ABCE1: variants seen among roughly 807,000 people sequenced by gnomAD.
The protein encoded by ABCE1 is ATP binding cassette subfamily E member 1, also known as ATP-binding cassette sub-family E member 1.
A neutral mutation model predicts 83.4 loss-of-function variants in ABCE1; 22 were observed. That is an observed-to-expected ratio of 0.26 (90% CI 0.19 to 0.38). The LOEUF is 0.38. Among genes scored for constraint, ABCE1 ranks in the 10% least tolerant of loss-of-function variants. The pLI, the probability that ABCE1 is intolerant of heterozygous loss-of-function variation, is 1.00. For synonymous variants in ABCE1, 204 were observed against 233.7 expected, an observed-to-expected ratio of 0.87 and a Z score of 1.16; for missense variants, 330 against 721.9, an observed-to-expected ratio of 0.46 and a Z score of 6.22.
intron 1 of ABCE1, among the ~76,000 whole-genome samples, chr4:145,103,078 A>G (rs972471043): frequency 1.3e-5 from 2 of 152,168 alleles, no homozygotes; most frequent in African/African-American, 4.8e-5. Flanking sequence ...GGTGGTCACT[A>G]CTAACTAAAG....
At chr4:145,115,018 TAAG>T (rs1201955784) in intron 9 of ABCE1, among the ~76,000 whole-genome samples, 1 of 151,964 alleles carries the variant, frequency 6.6e-6, no homozygotes, top group Non-Finnish European at 1.5e-5. Flanking sequence ...AATAGAGATT[TAAG>T]AAGTTTTATA....
Position 145,117,427 on chromosome 4 carries a change from A to C in ABCE1, c.922+13A>C, listed in dbSNP as rs764322260. Reference sequence around the variant, plus strand: ...AGTGTAAGAGAAGGTAACTTGAAAAACTTTTTTCACATATGCTGTATTCTC... The same window carrying C: ...AGTGTAAGAGAAGGTAACTTGAAAACCTTTTTTCACATATGCTGTATTCTC... On this transcript the variant is annotated intron_variant, in intron 10 of 17. Transcript: ENST00000296577. 3 of 1,607,760 alleles carry C rather than the reference A, an allele frequency of 1.9e-6. No individual in the cohort carries two copies. The African/African-American group carries it at 4.0e-5, about 22-fold the overall frequency.
Position 145,127,579 on chromosome 4 carries a change from C to T in ABCE1, c.*6C>T. ...ACTTTTTCTTGGATGATTAGACTGA[C>T]TCTGAGAATATTGATAAGCCATTTA... On this transcript the variant is annotated 3_prime_UTR_variant, in exon 18 of 18. Transcript: ENST00000296577. 2.6e-6 allele frequency: 4 copies of T among 1,550,316 alleles called. No individual in the cohort carries two copies. In the South Asian group the frequency reaches 3.8e-5, roughly 15 times the overall value.
chr4:145,119,690 T>C (rs1279321335), intron 10 of ABCE1, among the ~76,000 whole-genome samples: 1 of 151,960 alleles, frequency 6.6e-6, no homozygotes, highest in Non-Finnish European at 1.5e-5. Context: ...ATGGAAAAAG[T>C]AATTACAGGA....
At chr4:145,110,753 C>T (rs908341109) in intron 7 of ABCE1, 5 of 541,556 alleles carry the variant, frequency 9.2e-6, no homozygotes, top group African/African-American at 1.9e-5. Context: ...TGAGCCACTG[C>T]GCCCGGCCAT....
chr4:145,104,274 C>G, intron 1 of ABCE1, 112 bp from the exon 2 acceptor site: 1 of 406,432 alleles, frequency 2.5e-6, no homozygotes, highest in Admixed American at 4.5e-5. Flanking sequence ...TTTTTTTTTG[C>G]AGATAATCAT....
intron 10 of ABCE1, among the ~76,000 whole-genome samples, chr4:145,119,166 T>A (rs1749678223): frequency 1.3e-5 from 2 of 151,882 alleles, no homozygotes; most frequent in Non-Finnish European, 3.0e-5. Context: ...GCATGATGTG[T>A]CTCTCAGTTC....
rs1749946348 is a variant in ABCE1 at position 145,128,240 on chromosome 4, G to A, written c.*667G>A. The A allele has an allele frequency of 6.6e-6, 1 of 152,484 alleles. No homozygotes were observed. Among genetic ancestry groups the A allele is most frequent in the Non-Finnish European group, 1.5e-5 (1 of 68,002 alleles). 9.4% of individuals were successfully genotyped at this position (152,484 alleles called of 1,614,324 possible). A position where few individuals can be genotyped will look rare whatever the true frequency, so the allele number is the denominator to read the frequency against. On this transcript the variant is annotated 3_prime_UTR_variant, in exon 18 of 18. Coordinates refer to ENST00000296577, the MANE Select transcript of ABCE1 (RefSeq NM_002940.3). ...CGCAAAAAACCCCTAACTTTACTCT[G>A]AACTTTTTTTGTTTTTGCATTCCAT... is the stretch of plus-strand genomic sequence containing the variant.
chr4:145,108,265 A>G (rs1430843822), intron 4 of ABCE1, among the ~76,000 whole-genome samples, 153 bp downstream of exon 4: 2 of 152,202 alleles, frequency 1.3e-5, no homozygotes, highest in Non-Finnish European at 2.9e-5. Flanking sequence ...CATACTGCAT[A>G]TGTCTGTGGT....
chr4:145,127,670 T>C lies in ABCE1; in HGVS notation c.*97T>C, dbSNP rs996931658. On this transcript the variant is annotated 3_prime_UTR_variant, in exon 18 of 18. Transcript: ENST00000296577. Reference sequence around the variant, plus strand: ...TTGAATCAGGATTTTATGCCCCACATACTCTGGAACTTGAAGTATAATATA... The same window carrying C: ...TTGAATCAGGATTTTATGCCCCACACACTCTGGAACTTGAAGTATAATATA... The C allele has an allele frequency of 1.7e-4, 151 of 907,894 alleles. No individual in the cohort carries two copies. Among genetic ancestry groups the C allele is most frequent in the Non-Finnish European group, 2.1e-4 (130 of 615,010 alleles). The allele number at this position is 907,894 out of a possible 1,614,324, so 56.2% of individuals were successfully genotyped here. A position where few individuals can be genotyped will look rare whatever the true frequency, so the allele number is the denominator to read the frequency against.
rs1482707808 is a variant in ABCE1 at position 145,098,367 on chromosome 4, A to G, written c.-80A>G. The G allele has an allele frequency of 6.6e-6, 1 of 152,460 alleles. No individual in the cohort carries two copies. The highest frequency in any genetic ancestry group is 6.5e-5 in the Admixed American group (1 of 15,294). The allele number at this position is 152,460 out of a possible 1,614,324, so 9.4% of individuals were successfully genotyped here. A position where few individuals can be genotyped will look rare whatever the true frequency, so the allele number is the denominator to read the frequency against. On this transcript the variant is annotated 5_prime_UTR_variant, in exon 1 of 18. Transcript: ENST00000296577. ...CGCTGTGTGGCTGAAAAGTGAAGGC[A>G]AGAGCTGATTTGGCCTCTGTGCTCC...
At chr4:145,104,827 A>G (rs977935696) in intron 2 of ABCE1, among the ~76,000 whole-genome samples, 1 of 151,356 alleles carries the variant, frequency 6.6e-6, no homozygotes, top group African/African-American at 2.4e-5. Flanking sequence ...TTAATATTAT[A>G]TATATAGTAA....
Position 145,109,125 on chromosome 4 carries a change from G to A in ABCE1, c.288-7G>A. ...GTTGTTTTATTATTTTTGTATACTT[G>A]TAACAGGTTGCCTATCCCTCGTCCA... On this transcript the variant is annotated splice_polypyrimidine_tract_variant and splice_region_variant and intron_variant, in intron 4 of 17. Transcript: ENST00000296577. 14 of 1,585,492 alleles carry A rather than the reference G, an allele frequency of 8.8e-6. No homozygotes were observed. The highest frequency in any genetic ancestry group is 1.2e-5 in the Non-Finnish European group (14 of 1,156,046).
At chr4:145,102,808 G>A (rs148903749) in intron 1 of ABCE1, among the ~76,000 whole-genome samples, 5 of 152,300 alleles carry the variant, frequency 3.3e-5, no homozygotes, top group East Asian at 1.9e-4. Flanking sequence ...GATAAGAATG[G>A]TGGTTGGAGA....
At chr4:145,099,067 C>T (rs893374904) in intron 1 of ABCE1, among the ~76,000 whole-genome samples, 1 of 152,218 alleles carries the variant, frequency 6.6e-6, no homozygotes, top group African/African-American at 2.4e-5. Context: ...TAGCACTAGG[C>T]ACTTTCTCCC....
chr4:145,104,472 A>G lies in ABCE1; in HGVS notation c.60A>G (p.Lys20=). ...IVNHDKCKPK[K]CRQECKKSCP... ...ACCATGACAAATGTAAACCTAAGAA[A>G]TGTCGACAGGAATGCAAAAAGAGTT... The change falls in exon 2 of 18, where the codon AAA becomes AAG. Residue 20 remains lysine (K), a synonymous_variant. Transcript: ENST00000296577. 6.2e-7 allele frequency: 1 copy of G among 1,603,562 alleles called. No individual in the cohort carries two copies. Among genetic ancestry groups the G allele is most frequent in the Non-Finnish European group, 8.5e-7 (1 of 1,175,432 alleles).
At position 145,125,117 on chromosome 4, in the gene ABCE1, G is replaced by A. The variant is rs778243100; in HGVS notation, c.1752+16G>A. 2 of 1,535,958 alleles carry A rather than the reference G, an allele frequency of 1.3e-6. No individual in the cohort carries two copies. The highest frequency in any genetic ancestry group is 2.3e-5 in the South Asian group (2 of 88,384). ...TTCAATTAAGGTATGTAGAAAAGTT[G>A]TCTTAAATCATGGATTACTGATCTC... On this transcript the variant is annotated intron_variant, in intron 17 of 17. Coordinates refer to ENST00000296577, the MANE Select transcript of ABCE1 (RefSeq NM_002940.3).
intron 7 of ABCE1, 92 bp from the exon 8 acceptor site, chr4:145,110,876 T>C: frequency 2.6e-6 from 2 of 778,804 alleles, no homozygotes; most frequent in South Asian, 1.9e-5. Flanking sequence ...TCAACTGAAA[T>C]AGCATTCAAA....
At chr4:145,112,215 G>GC in intron 8 of ABCE1, 24 bp from the exon 9 acceptor site, 8 of 1,113,800 alleles carry the variant, frequency 7.2e-6, no homozygotes, top group Non-Finnish European at 9.9e-6. Flanking sequence ...ACTTATATTT[G>GC]CTTTTTTTTT....
Sources: gnomAD v4.1 joint callset for allele counts (sites outside exome capture counted in the v4.1 genomes callset) on GRCh38, gnomAD v4.1.1 for gene constraint, MANE v1.5 for transcripts, NCBI Gene and HGNC (gene_info 2026-07-23, HGNC 2026-07-21) for gene names.